COMMD8: variants seen among roughly 807,000 people sequenced by gnomAD.
The protein encoded by COMMD8 is COMM domain containing 8.
Under a neutral mutation model 27.2 loss-of-function variants are expected in COMMD8, and 28 were observed. That is an observed-to-expected ratio of 1.03 (90% CI 0.76 to 1.41). The LOEUF is 1.41. Among genes scored for constraint, COMMD8 ranks in the 40% most tolerant of loss-of-function variants. COMMD8 has a pLI of 0.00. For missense variants in COMMD8, 217 were observed against 211.2 expected (o/e 1.03, Z -0.17); for synonymous variants, 79 against 75.5 (o/e 1.05, Z -0.24).
At chr4:47,451,826 G>A (rs960368785) in intron 4 of COMMD8, among the ~76,000 whole-genome samples, 161 bp from the exon 5 acceptor site, 2 of 152,158 alleles carry the variant, frequency 1.3e-5, no homozygotes, top group African/African-American at 4.8e-5. Flanking sequence ...GGAATCTACG[G>A]TTCAGAATCT....
rs1304805507 is a variant in COMMD8 at position 47,451,277 on chromosome 4, C to G, written c.*368G>C. 2 of 226,064 alleles carry G rather than the reference C, an allele frequency of 8.8e-6. No homozygotes were observed. Among genetic ancestry groups the G allele is most frequent in the African/African-American group, 2.4e-5 (1 of 42,116 alleles). The allele number at this position is 226,064 out of a possible 1,614,324, so 14.0% of individuals were successfully genotyped here. A position where few individuals can be genotyped will look rare whatever the true frequency, so the allele number is the denominator to read the frequency against. On this transcript the variant is annotated 3_prime_UTR_variant, in exon 5 of 5. Coordinates refer to ENST00000381571, the MANE Select transcript of COMMD8 (RefSeq NM_017845.5). ...AATATATGTTGCTATTCACACAATTCTTTAAGCAATATTCAAGTATATTTG... is the reference window on the plus strand; with the variant it reads ...AATATATGTTGCTATTCACACAATTGTTTAAGCAATATTCAAGTATATTTG...
chr4:47,460,331 T>C (rs1365580661), intron 1 of COMMD8, 32 bp from the exon 2 acceptor site: 19 of 1,579,906 alleles, frequency 1.2e-5, no homozygotes, highest in Middle Eastern at 1.7e-4. Context: ...AATGTACTTA[T>C]AAGTAAAATG....
chr4:47,454,886 A>C (rs75222154), intron 3 of COMMD8, among the ~76,000 whole-genome samples: 2 of 151,744 alleles, frequency 1.3e-5, no homozygotes, highest in East Asian at 1.9e-4. Flanking sequence ...AAAAAAAAAA[A>C]ACAGAACTAC....
chr4:47,463,677 C>A lies in COMMD8; in HGVS notation c.-26G>T. On this transcript the variant is annotated 5_prime_UTR_variant, in exon 1 of 5. Transcript: ENST00000381571. Reference sequence around the variant, plus strand: ...CCCTGCGCGAAGCTGGGGCTTGGGTCACGTGTCAAGGCTGGCCGCTTGTCT... The same window carrying A: ...CCCTGCGCGAAGCTGGGGCTTGGGTAACGTGTCAAGGCTGGCCGCTTGTCT... 1.9e-6 allele frequency: 3 copies of A among 1,542,980 alleles called. No individual in the cohort carries two copies. Among genetic ancestry groups the A allele is most frequent in the Non-Finnish European group, 2.6e-6 (3 of 1,143,104 alleles).
intron 2 of COMMD8, among the ~76,000 whole-genome samples, chr4:47,458,104 G>C (rs920189744): frequency 6.6e-6 from 1 of 151,980 alleles, no homozygotes; most frequent in East Asian, 1.9e-4. Flanking sequence ...AGCAAAGTTA[G>C]AATTGTAGGA....
intron 4 of COMMD8, among the ~76,000 whole-genome samples, chr4:47,452,140 C>T (rs1729769806): frequency 6.6e-6 from 1 of 152,200 alleles, no homozygotes; most frequent in Non-Finnish European, 1.5e-5. Flanking sequence ...TATACAAAGA[C>T]AATTATTTTT....
At chr4:47,459,986 C>G in intron 2 of COMMD8, 158 bp downstream of exon 2, 1 of 528,408 alleles carries the variant, frequency 1.9e-6, no homozygotes. Flanking sequence ...AAAAACAAAA[C>G]TGCAAAAACC....
chr4:47,454,263 T>G (rs1729830585), intron 3 of COMMD8, among the ~76,000 whole-genome samples: 2 of 152,232 alleles, frequency 1.3e-5, no homozygotes, highest in African/African-American at 4.8e-5. Flanking sequence ...TTATTGCAAA[T>G]AATATACGTT....
chr4:47,453,513 A>G (rs375471668), intron 3 of COMMD8, among the ~76,000 whole-genome samples: 1 of 152,244 alleles, frequency 6.6e-6, no homozygotes, highest in East Asian at 1.9e-4. Flanking sequence ...GGTCTAATGT[A>G]CAAGAAACAG....
intron 2 of COMMD8, among the ~76,000 whole-genome samples, chr4:47,457,151 C>A (rs763109078): frequency 6.6e-6 from 1 of 152,062 alleles, no homozygotes; most frequent in Non-Finnish European, 1.5e-5. Context: ...CAAAAAAATC[C>A]GAAATCCAAA....
intron 3 of COMMD8, among the ~76,000 whole-genome samples, chr4:47,455,954 A>AAT (rs1327454820): frequency 6.6e-6 from 1 of 152,152 alleles, no homozygotes; most frequent in Non-Finnish European, 1.5e-5. Flanking sequence ...TGTGGTCAAA[A>AAT]ATATATATTG....
intron 3 of COMMD8, among the ~76,000 whole-genome samples, chr4:47,455,661 C>A (rs947057674): frequency 1.3e-5 from 2 of 152,098 alleles, no homozygotes; most frequent in African/African-American, 4.8e-5. Context: ...CACCTGTTAT[C>A]TTCCCACATT....
At chr4:47,462,019 A>C (rs1730038695) in intron 1 of COMMD8, among the ~76,000 whole-genome samples, 2 of 152,140 alleles carry the variant, frequency 1.3e-5, no homozygotes, top group African/African-American at 4.8e-5. Context: ...TCTAGACACA[A>C]GCAAGTTATT....
In COMMD8 at chr4:47,453,234, T is replaced by G; in HGVS notation, c.376-20A>C. 1 of 1,602,648 alleles carries G rather than the reference T, an allele frequency of 6.2e-7. No homozygotes were observed. Among genetic ancestry groups the G allele is most frequent in the Non-Finnish European group, 8.5e-7 (1 of 1,173,076 alleles). ...TGCAAGCTGTTTAAAATCAGAAAAA[T>G]AGCAATTAATAAATAGTAAAAAGAA... On this transcript the variant is annotated intron_variant, in intron 3 of 4. Coordinates refer to ENST00000381571, the MANE Select transcript of COMMD8 (RefSeq NM_017845.5).
At chr4:47,451,770 A>G in intron 4 of COMMD8, 105 bp from the exon 5 acceptor site, 2 of 776,734 alleles carry the variant, frequency 2.6e-6, no homozygotes, top group Non-Finnish European at 2.1e-6. Context: ...TGGAGAACTC[A>G]TAACAAGCAA....
intron 3 of COMMD8, among the ~76,000 whole-genome samples, chr4:47,454,819 G>A (rs550114015): frequency 4.4e-5 from 6 of 137,174 alleles, no homozygotes; most frequent in African/African-American, 8.2e-5. Flanking sequence ...AGCAGAGATC[G>A]TGCCATTGCA....
intron 3 of COMMD8, among the ~76,000 whole-genome samples, chr4:47,454,725 C>T (rs914083968): frequency 2.6e-5 from 4 of 151,666 alleles, no homozygotes; most frequent in African/African-American, 7.3e-5. Context: ...ATTAGCCAGG[C>T]GTGGTGGCAC....
intron 4 of COMMD8, 39 bp downstream of exon 4, chr4:47,453,020 T>C: frequency 6.4e-7 from 1 of 1,556,080 alleles, no homozygotes; most frequent in Non-Finnish European, 8.7e-7. Flanking sequence ...CCCCAAAACC[T>C]TAAACATTCA....
At chr4:47,453,236 G>C in intron 3 of COMMD8, 22 bp from the exon 4 acceptor site, 1 of 1,602,288 alleles carries the variant, frequency 6.2e-7, no homozygotes, top group Non-Finnish European at 8.5e-7. Context: ...CAGAAAAATA[G>C]CAATTAATAA....
Sources: allele counts gnomAD v4.1 joint callset (sites outside exome capture counted in the v4.1 genomes callset), GRCh38; gene constraint gnomAD v4.1.1; transcripts MANE v1.5; gene names NCBI Gene and HGNC (gene_info 2026-07-23, HGNC 2026-07-21).